LIMA1: variants seen among roughly 807,000 people sequenced by gnomAD.
LIMA1 encodes LIM domain and actin-binding protein 1.
A neutral mutation model predicts 62.6 loss-of-function variants in LIMA1; 52 were observed. The ratio of observed to expected loss-of-function variants is 0.83; its 90% CI spans 0.67 to 1.05. LIMA1 has a LOEUF of 1.05. Ranked by LOEUF, LIMA1 falls within the 50% of genes least tolerant of loss-of-function variation. The probability of loss-of-function intolerance (pLI) is 0.00; values close to 1 mark genes in which losing one functional copy is unlikely to be tolerated. For missense variants in LIMA1, 780 were observed against 902.2 expected (o/e 0.86, Z 1.74); for synonymous variants, 302 against 317.8 (o/e 0.95, Z 0.53).
At chr12:50,267,823 AT>A (rs947410519) in intron 1 of LIMA1, among the ~76,000 whole-genome samples, 1 of 151,302 alleles carries the variant, frequency 6.6e-6, no homozygotes, top group Admixed American at 6.6e-5. Flanking sequence ...CAGCCTGCCT[AT>A]TTTTTCTTTT....
At position 50,222,432 on chromosome 12, in the gene LIMA1, CTTT is replaced by C; in HGVS notation, c.216_218del (p.Lys75del). The C allele has an allele frequency of 6.2e-7, 1 of 1,614,020 alleles. No individual in the cohort carries two copies. The highest frequency in any genetic ancestry group is 8.5e-7 in the Non-Finnish European group (1 of 1,179,870). On this transcript the variant is annotated inframe_deletion, in exon 4 of 11. Transcript: ENST00000341247. ...CCAGCCCTGGGTTCTCCCACTTCTT[CTTT>C]AACACAGTCAGGGTCCCCTTTCTAA...
intron 4 of LIMA1, among the ~76,000 whole-genome samples, chr12:50,209,077 C>G (rs78644527): frequency 2.0e-5 from 3 of 150,622 alleles, no homozygotes; most frequent in African/African-American, 7.3e-5. Flanking sequence ...GGAGCCTCGG[C>G]CTCCCAAGGT....
intron 8 of LIMA1, among the ~76,000 whole-genome samples, chr12:50,193,534 GATAT>G (rs554707999): frequency 1.9e-4 from 18 of 95,400 alleles, no homozygotes; most frequent in African/African-American, 7.4e-4. Flanking sequence ...ACACATATAT[GATAT>G]ATATATACAT....
At chr12:50,193,828 C>T (rs1940863155) in intron 8 of LIMA1, among the ~76,000 whole-genome samples, 1 of 147,606 alleles carries the variant, frequency 6.8e-6, no homozygotes, top group Non-Finnish European at 1.5e-5. Context: ...CCATGCCCAG[C>T]TAAGTTTTGG....
intron 6 of LIMA1, 146 bp downstream of exon 6, chr12:50,204,406 C>G (rs958724819): frequency 1.0e-5 from 9 of 888,764 alleles, no homozygotes; most frequent in Non-Finnish European, 1.3e-5. Flanking sequence ...GCAAATCCAG[C>G]GAGGGTAGGG....
chr12:50,270,466 G>A (rs1483239999), intron 1 of LIMA1, among the ~76,000 whole-genome samples: 1 of 151,728 alleles, frequency 6.6e-6, no homozygotes, highest in Non-Finnish European at 1.5e-5. Flanking sequence ...TTAGCCAGGT[G>A]TGGTGGCTTG....
chr12:50,201,342 G>A (rs781258969), intron 6 of LIMA1: 25 of 986,890 alleles, frequency 2.5e-5, no homozygotes, highest in Non-Finnish European at 2.9e-5. Context: ...GAGAGACAGG[G>A]ATGATGTATA....
intron 7 of LIMA1, among the ~76,000 whole-genome samples, chr12:50,199,923 C>A (rs1941008515): frequency 6.6e-6 from 1 of 150,398 alleles, no homozygotes; most frequent in Non-Finnish European, 1.5e-5. Context: ...GATGGAGTTT[C>A]GCTCTTGTTG....
intron 1 of LIMA1, among the ~76,000 whole-genome samples, chr12:50,261,607 G>C (rs1430453147): frequency 6.6e-6 from 1 of 152,058 alleles, no homozygotes; most frequent in African/African-American, 2.4e-5. Flanking sequence ...GACCCCTCAA[G>C]CTTGGGCTAA....
intron 4 of LIMA1, among the ~76,000 whole-genome samples, chr12:50,207,854 C>T (rs899017236): frequency 6.7e-5 from 10 of 148,232 alleles, no homozygotes; most frequent in Non-Finnish European, 1.2e-4. Context: ...CGCTCCACTG[C>T]ACTCCAGCCT....
At chr12:50,222,549 C>A in intron 3 of LIMA1, 64 bp from the exon 4 acceptor site, 3 of 1,609,192 alleles carry the variant, frequency 1.9e-6, no homozygotes, top group South Asian at 2.2e-5. Context: ...ACATGTTGTT[C>A]TTTGTAAAAT....
intron 4 of LIMA1, among the ~76,000 whole-genome samples, chr12:50,211,915 A>C (rs891815152): frequency 6.6e-6 from 1 of 152,176 alleles, no homozygotes; most frequent in Non-Finnish European, 1.5e-5. Context: ...AATGTCAAGG[A>C]AAGAGAATAG....
chr12:50,187,522 A>T (rs1235751433), intron 9 of LIMA1: 1 of 152,210 alleles, frequency 6.6e-6, no homozygotes, highest in Non-Finnish European at 1.5e-5. Context: ...GGGAATATTC[A>T]TATCTTAAAT....
intron 1 of LIMA1, among the ~76,000 whole-genome samples, chr12:50,262,336 A>G (rs1942082007): frequency 6.6e-6 from 1 of 152,198 alleles, no homozygotes; most frequent in Non-Finnish European, 1.5e-5. Flanking sequence ...ACTTGTATAC[A>G]ATACTGATTT....
chr12:50,216,293 C>T (rs1941344390), intron 4 of LIMA1, among the ~76,000 whole-genome samples: 1 of 152,114 alleles, frequency 6.6e-6, no homozygotes, highest in African/African-American at 2.4e-5. Context: ...CAGCTCACTG[C>T]AAACTCTGCC....
chr12:50,261,147 G>T (rs188655621), intron 1 of LIMA1, among the ~76,000 whole-genome samples: 2 of 141,552 alleles, frequency 1.4e-5, no homozygotes, highest in Non-Finnish European at 3.0e-5. Flanking sequence ...CCGCCTCCCG[G>T]GTTCACGTCA....
intron 2 of LIMA1, among the ~76,000 whole-genome samples, chr12:50,238,986 C>CAG (rs1245804625): frequency 1.3e-5 from 2 of 152,220 alleles, no homozygotes; most frequent in East Asian, 3.9e-4. Context: ...GTGATACATA[C>CAG]TATTCTGCTT....
chr12:50,230,726 G>A (rs866974741), intron 3 of LIMA1, among the ~76,000 whole-genome samples: 62 of 152,022 alleles, frequency 4.1e-4, no homozygotes, highest in African/African-American at 1.4e-3. Context: ...ACAGGCGCCC[G>A]CCACCACGCC....
intron 1 of LIMA1, among the ~76,000 whole-genome samples, chr12:50,262,352 G>T (rs1942082170): frequency 6.6e-6 from 1 of 152,044 alleles, no homozygotes; most frequent in East Asian, 1.9e-4. Flanking sequence ...GATTTTTCAG[G>T]TCCCATCCCA....
Sources: allele counts gnomAD v4.1 joint callset (sites outside exome capture counted in the v4.1 genomes callset), GRCh38; gene constraint gnomAD v4.1.1; transcripts MANE v1.5; gene names NCBI Gene and HGNC (gene_info 2026-07-23, HGNC 2026-07-21).